The following SYNE1 variants were observed in gnomAD, a reference collection of about 807,000 sequenced individuals.
SYNE1 encodes spectrin repeat containing nuclear envelope protein 1.
Under a neutral mutation model 1,111.0 loss-of-function variants are expected in SYNE1, and 616 were observed. The observed-to-expected ratio is 0.55, with a 90% CI of 0.52 to 0.59. SYNE1 has a LOEUF of 0.59. Ranked by LOEUF, SYNE1 falls within the 20% of genes least tolerant of loss-of-function variation. The pLI is 0.00. For missense variants in SYNE1, 10,006 were observed against 10,417.0 expected (o/e 0.96, Z 1.72); for synonymous variants, 3,855 against 3,825.8 (o/e 1.01, Z -0.28).
At chr6:152,216,617 G>T (rs2078737294) in intron 121 of SYNE1, among the ~76,000 whole-genome samples, 1 of 152,194 alleles carries the variant, frequency 6.6e-6, no homozygotes, top group African/African-American at 2.4e-5. Context: ...CTCAGGAAAG[G>T]TGGAACCAGG....
chr6:152,485,113 T>C, intron 12 of SYNE1, 141 bp from the exon 13 acceptor site: 1 of 982,056 alleles, frequency 1.0e-6, no homozygotes, highest in Non-Finnish European at 1.5e-6. Flanking sequence ...GTAGTTATGA[T>C]ACTAATAGCA....
intron 127 of SYNE1, among the ~76,000 whole-genome samples, chr6:152,197,367 G>A (rs78399856): frequency 0.012 from 1,890 of 152,286 alleles, 27 homozygotes; most frequent in Non-Finnish European, 0.016. Context: ...AGGTCAAATC[G>A]GGAATGTTCT....
At chr6:152,363,176 C>T (rs1458671221) in intron 63 of SYNE1, among the ~76,000 whole-genome samples, 4 of 149,300 alleles carry the variant, frequency 2.7e-5, no homozygotes, top group Admixed American at 6.6e-5. Context: ...CCACCACACC[C>T]GGCCTACACA....
rs926058100 is a variant in SYNE1 at position 152,412,218 on chromosome 6, G to A, written c.6230+1134C>T. Among the ~76,000 whole-genome samples, 4 of 151,798 alleles carry A rather than the reference G, an allele frequency of 2.6e-5. No homozygotes were observed. The East Asian group carries it at 7.7e-4, about 29-fold the overall frequency. On this transcript the variant is annotated intron_variant, in intron 42 of 145. Transcript: ENST00000367255. ...AGGTGGATCATGAGGTCAGGAGATC[G>A]AGACCATCCTGGCTAACACGGTGAA...
In SYNE1 at chr6:152,321,890, C is replaced by G. The variant is rs770428876; in HGVS notation, c.15918-4G>C. On this transcript the variant is annotated splice_region_variant and splice_polypyrimidine_tract_variant and intron_variant, in intron 82 of 145. Coordinates refer to ENST00000367255, the MANE Select transcript of SYNE1 (RefSeq NM_182961.4). ...AGTCTTCACTTTCTCCTGCATGCTT[C>G]AGAAACATTACAGGGATAAAACAGA... 7 of 1,613,908 alleles carry G rather than the reference C, an allele frequency of 4.3e-6. No individual in the cohort carries two copies. The African/African-American group carries it at 6.7e-5, about 15-fold the overall frequency.
chr6:152,379,308 C>G (rs1411662152), intron 56 of SYNE1, among the ~76,000 whole-genome samples: 1 of 151,942 alleles, frequency 6.6e-6, no homozygotes, highest in African/African-American at 2.4e-5. Context: ...AAATTATTTC[C>G]AAAGCTAATA....
chr6:152,606,643 T>TTTTGTTTGTTTGTTTG (rs560731620), intron 3 of SYNE1, among the ~76,000 whole-genome samples: 1 of 137,368 alleles, frequency 7.3e-6, no homozygotes, highest in African/African-American at 2.8e-5. Flanking sequence ...TTCTGAGTTT[T>TTTTGTTTGTTTGTTTG]TTTGTTTGTT....
intron 6 of SYNE1, among the ~76,000 whole-genome samples, chr6:152,513,072 T>C (rs1175587701): frequency 6.6e-6 from 1 of 152,048 alleles, no homozygotes; most frequent in Non-Finnish European, 1.5e-5. Flanking sequence ...AACCAGAAAC[T>C]AAGGAAGTGA....
In SYNE1 at chr6:152,331,503, C is replaced by G; in HGVS notation, c.13182G>C (p.Leu4394=). The change falls in exon 78 of 146, where the codon CTG becomes CTC. Residue 4394 remains leucine (L), a synonymous_variant. Coordinates refer to ENST00000367255, the MANE Select transcript of SYNE1 (RefSeq NM_182961.4). ...LMDHLAICSE[L]EAKQMLLKSL... ...ATTTCAGGAGCATCTGCTTGGCCTC[C>G]AGTTCACTGCAGATGGCCAGGTGAT... The G allele has an allele frequency of 6.2e-7, 1 of 1,614,122 alleles. No individual in the cohort carries two copies. The highest frequency in any genetic ancestry group is 8.5e-7 in the Non-Finnish European group (1 of 1,179,992).
intron 3 of SYNE1, among the ~76,000 whole-genome samples, chr6:152,541,696 C>T (rs2099270794): frequency 7.2e-6 from 1 of 139,202 alleles, no homozygotes; most frequent in South Asian, 2.2e-4. Context: ...TGCAGTGAGC[C>T]GAGATCGTAT....
At chr6:152,315,310 T>C (rs1008382731) in intron 87 of SYNE1, 2 of 150,522 alleles carry the variant, frequency 1.3e-5, no homozygotes, top group Admixed American at 1.3e-4. Context: ...CAAGCGATTC[T>C]CCTGCCTCAG....
chr6:152,234,382 C>T (rs2083493588), intron 111 of SYNE1, among the ~76,000 whole-genome samples: 1 of 152,156 alleles, frequency 6.6e-6, no homozygotes, highest in South Asian at 2.1e-4. Context: ...GCAATCTCTG[C>T]CTTCCGGGTT....
Position 152,236,215 on chromosome 6 carries a change from G to A in SYNE1, c.20288C>T (p.Ser6763Leu), listed in dbSNP as rs115534729. 2.3e-4 allele frequency: 376 copies of A among 1,614,096 alleles called. No individual in the cohort carries two copies. The African/African-American group carries it at 4.5e-3, about 19-fold the overall frequency. The change falls in exon 110 of 146, where the codon TCA (serine) becomes TTA (leucine). Residue 6763 changes from serine to leucine, a missense_variant. Transcript: ENST00000367255. ...TTGATTTAGTTGGCTTTCTAGATCTGAGCAGCTGATGGATATCAGAAGTCG... is the reference window on the plus strand; with the variant it reads ...TTGATTTAGTTGGCTTTCTAGATCTAAGCAGCTGATGGATATCAGAAGTCG... ...GKRLLISISC[S>L]DLESQLNQLG... is the part of the protein sequence containing the mutation.
At chr6:152,591,440 G>C (rs890466159) in intron 3 of SYNE1, among the ~76,000 whole-genome samples, 5 of 152,168 alleles carry the variant, frequency 3.3e-5, no homozygotes, top group Non-Finnish European at 7.4e-5. Context: ...ATGGTGCTGG[G>C]ATAACTGGCT....
chr6:152,180,792 C>T (rs527619585), intron 128 of SYNE1, among the ~76,000 whole-genome samples: 9 of 152,148 alleles, frequency 5.9e-5, no homozygotes, highest in Admixed American at 2.0e-4. Context: ...AGTGAGGAAG[C>T]GGGCAGCATC....
Position 152,447,347 on chromosome 6 carries a change from T to A in SYNE1, c.3669+111A>T. Reference sequence around the variant, plus strand: ...AAAAAAGCATAACAACAATTCTGTTTCAACTATGGTTTCTTTATAAAATTA... The same window carrying A: ...AAAAAAGCATAACAACAATTCTGTTACAACTATGGTTTCTTTATAAAATTA... On this transcript the variant is annotated intron_variant, in intron 29 of 145. Transcript: ENST00000367255. 4 of 1,233,326 alleles carry A rather than the reference T, an allele frequency of 3.2e-6. No homozygotes were observed. In the South Asian group the frequency reaches 5.4e-5, roughly 17 times the overall value. The allele number at this position is 1,233,326 out of a possible 1,614,324, so 76.4% of individuals were successfully genotyped here. A position where few individuals can be genotyped will look rare whatever the true frequency, so the allele number is the denominator to read the frequency against.
At chr6:152,392,607 C>T (rs2097662402) in intron 51 of SYNE1, among the ~76,000 whole-genome samples, 1 of 152,076 alleles carries the variant, frequency 6.6e-6, no homozygotes, top group African/African-American at 2.4e-5. Flanking sequence ...CTATGGGCCA[C>T]CCTGAGATCT....
Position 152,150,232 on chromosome 6 carries a change from T to C in SYNE1, c.24451-564A>G, listed in dbSNP as rs76934094. On this transcript the variant is annotated intron_variant, in intron 135 of 145. Transcript: ENST00000367255. ...CCAGGAGGATTATTTAGACTCATTC[T>C]ATGTGTTGCAAAAGATTTAAATCAC... Among the ~76,000 whole-genome samples the C allele has an allele frequency of 3.4e-3, 517 of 152,356 alleles. 2 individuals are homozygous for C. Among genetic ancestry groups the C allele is most frequent in the African/African-American group, 0.012 (484 of 41,586 alleles).
chr6:152,133,283 C>A lies in SYNE1; in HGVS notation c.25994G>T (p.Ser8665Ile), dbSNP rs2056298601. Residue 8665 changes from serine (S) to isoleucine (I), a missense_variant, in exon 143 of 146, where the codon AGT (serine) becomes ATT (isoleucine). Physicochemically the swap from Ser to Ile is moderately radical, Grantham distance 142 (BLOSUM62 -2). This residue lies in a region of SYNE1 where 761 missense variants were observed against 795.5 expected (regional missense o/e 0.96). Transcript: ENST00000367255. ...TGTCTGTTTATTGCTTACCTGCTGA[C>A]TACTTGACACGTCTAATAACTTCTC... Reference protein sequence around the residue: ...ELEKLLDVSSSQQDLSSWSSA... With the variant: ...ELEKLLDVSSIQQDLSSWSSA... The A allele has an allele frequency of 6.2e-7, 1 of 1,614,012 alleles. No individual in the cohort carries two copies. The highest frequency in any genetic ancestry group is 1.7e-5 in the Admixed American group (1 of 60,008).
Sources: allele counts gnomAD v4.1 joint callset (sites outside exome capture counted in the v4.1 genomes callset), GRCh38; gene constraint gnomAD v4.1.1; regional missense constraint gnomAD v4.1.1; transcripts MANE v1.5; gene names NCBI Gene and HGNC (gene_info 2026-07-23, HGNC 2026-07-21).